Variants in DSCAM observed in about 807,000 individuals in gnomAD.
DSCAM encodes cell adhesion molecule DSCAM.
A neutral mutation model predicts 217.7 loss-of-function variants in DSCAM; 47 were observed. The observed-to-expected ratio is 0.22, with a 90% CI of 0.17 to 0.28. The LOEUF (loss-of-function observed/expected upper bound fraction) is 0.28, where lower values mean the gene tolerates loss of function less well. DSCAM is among the 10% of genes least tolerant of loss of function. The pLI, the probability that DSCAM is intolerant of heterozygous loss-of-function variation, is 1.00. For missense variants in DSCAM, 2,080 were observed against 2,618.3 expected, an observed-to-expected ratio of 0.79 and a Z score of 4.49; for synonymous variants, 1,056 against 1,015.3, an observed-to-expected ratio of 1.04 and a Z score of -0.76.
chr21:40,103,813 T>C (rs1208192955), intron 20 of DSCAM, among the ~76,000 whole-genome samples: 1 of 150,710 alleles, frequency 6.6e-6, no homozygotes, highest in African/African-American at 2.4e-5. Context: ...TATATGACTA[T>C]AGATACCATT....
chr21:40,124,566 A>T (rs992237939), intron 19 of DSCAM, among the ~76,000 whole-genome samples: 1 of 152,134 alleles, frequency 6.6e-6, no homozygotes, highest in Non-Finnish European at 1.5e-5. Context: ...TGAGTTTGTT[A>T]GGGTGGTCCC....
In DSCAM at chr21:40,167,086, G is replaced by C. The variant is rs565333724; in HGVS notation, c.3018+132C>G. ...TACAAATACTGCATTTTAAGAAAAG[G>C]GCTTTCAACTTAATTTTGAAAAAAT... On this transcript the variant is annotated intron_variant, in intron 16 of 32. Coordinates refer to ENST00000400454, the MANE Select transcript of DSCAM (RefSeq NM_001389.5). The C allele has an allele frequency of 5.6e-6, 4 of 711,808 alleles. No homozygotes were observed. In the Admixed American group the frequency reaches 1.2e-4, roughly 22 times the overall value. 44.1% of individuals were successfully genotyped at this position (711,808 alleles called of 1,614,324 possible). A position where few individuals can be genotyped will look rare whatever the true frequency, so the allele number is the denominator to read the frequency against.
chr21:40,554,719 G>A (rs1248614501), intron 3 of DSCAM, among the ~76,000 whole-genome samples: 1 of 152,106 alleles, frequency 6.6e-6, no homozygotes, highest in Admixed American at 6.5e-5. Context: ...ATTCTTAGAA[G>A]ATGACAGAAC....
At chr21:40,813,729 CCTCTGCCTCCCCAGTTCAAGCAATT>C (rs891581780) in intron 1 of DSCAM, among the ~76,000 whole-genome samples, 2 of 150,382 alleles carry the variant, frequency 1.3e-5, no homozygotes, top group African/African-American at 4.9e-5. Context: ...CTTACTGCAA[CCTCTGCCTCCCCAGTTCAAGCAATT>C]CTCTGCCTCA....
chr21:40,518,021 A>G (rs2076317178), intron 3 of DSCAM, among the ~76,000 whole-genome samples: 1 of 151,916 alleles, frequency 6.6e-6, no homozygotes, highest in Non-Finnish European at 1.5e-5. Context: ...TGGTTCACAG[A>G]GACATGGGTG....
Position 40,362,071 on chromosome 21 carries a change from T to C in DSCAM, c.655+7028A>G, listed in dbSNP as rs1302188174. On this transcript the variant is annotated intron_variant, in intron 4 of 32. Transcript: ENST00000400454. ...GTTTACTGAGAATGATGATTTCCAATTTCATCCATGTCCCTACAAAGGACA... is the reference window on the plus strand; with the variant it reads ...GTTTACTGAGAATGATGATTTCCAACTTCATCCATGTCCCTACAAAGGACA... Among the ~76,000 whole-genome samples the C allele has an allele frequency of 3.9e-5, 6 of 152,150 alleles. No homozygotes were observed. In the East Asian group the frequency reaches 7.7e-4, roughly 20 times the overall value.
At chr21:40,061,798 G>A (rs533657026) in intron 28 of DSCAM, among the ~76,000 whole-genome samples, 1 of 152,238 alleles carries the variant, frequency 6.6e-6, no homozygotes, top group Non-Finnish European at 1.5e-5. Context: ...ATAGATGGAG[G>A]AGGAAGTCAC....
intron 3 of DSCAM, among the ~76,000 whole-genome samples, chr21:40,639,289 G>A (rs914748793): frequency 6.6e-6 from 1 of 152,108 alleles, no homozygotes; most frequent in South Asian, 2.1e-4. Context: ...ATAATTTTAT[G>A]TATGTTGTCC....
At chr21:40,400,050 G>C (rs2075219325) in intron 3 of DSCAM, among the ~76,000 whole-genome samples, 1 of 152,150 alleles carries the variant, frequency 6.6e-6, no homozygotes, top group Non-Finnish European at 1.5e-5. Context: ...GTTTGAAGCA[G>C]GTGTCATGGT....
chr21:40,745,732 AAAGT>A (rs753265553), intron 1 of DSCAM, among the ~76,000 whole-genome samples: 8 of 152,172 alleles, frequency 5.3e-5, no homozygotes, highest in Non-Finnish European at 1.0e-4. Flanking sequence ...TTCACTGGTA[AAAGT>A]AAGAATACAG....
intron 10 of DSCAM, among the ~76,000 whole-genome samples, chr21:40,282,590 C>CAAAAAAAAAAAAAAA (rs528248714): frequency 3.9e-4 from 13 of 32,952 alleles, no homozygotes; most frequent in African/African-American, 7.5e-4. Context: ...GACTCTGTCT[C>CAAAAAAAAAAAAAAA]AAAAAAAAAA....
intron 3 of DSCAM, among the ~76,000 whole-genome samples, chr21:40,488,089 C>T (rs2076045134): frequency 1.3e-5 from 2 of 152,342 alleles, no homozygotes; most frequent in Non-Finnish European, 1.5e-5. Context: ...TCAGGGACCA[C>T]ATTTTGAATT....
At chr21:40,232,541 G>A (rs1446815426) in intron 11 of DSCAM, among the ~76,000 whole-genome samples, 4 of 152,064 alleles carry the variant, frequency 2.6e-5, no homozygotes, top group Non-Finnish European at 5.9e-5. Flanking sequence ...AAAGGTGCCC[G>A]GAAAGCTACT....
chr21:40,491,009 C>T (rs149995816), intron 3 of DSCAM, among the ~76,000 whole-genome samples: 1 of 152,292 alleles, frequency 6.6e-6, no homozygotes, highest in East Asian at 1.9e-4. Flanking sequence ...GGAATTCAAA[C>T]ATAAAACTTC....
intron 11 of DSCAM, among the ~76,000 whole-genome samples, chr21:40,229,036 T>A (rs2146919431): frequency 6.6e-6 from 1 of 152,354 alleles, no homozygotes; most frequent in East Asian, 1.9e-4. Context: ...CTAGCTTGTT[T>A]GTAAACTCCC....
intron 3 of DSCAM, among the ~76,000 whole-genome samples, chr21:40,622,809 G>GC (rs1228386499): frequency 6.6e-6 from 1 of 150,546 alleles, no homozygotes; most frequent in Non-Finnish European, 1.5e-5. Flanking sequence ...CTCCGAGTCT[G>GC]CCCCCAGGAA....
chr21:40,067,669 G>C (rs1014572592), intron 27 of DSCAM, among the ~76,000 whole-genome samples: 1 of 151,262 alleles, frequency 6.6e-6, no homozygotes, highest in Admixed American at 6.6e-5. Context: ...TCAGGGTGCT[G>C]ATTATTTTCA....
intron 3 of DSCAM, among the ~76,000 whole-genome samples, chr21:40,378,829 G>A (rs564501172): frequency 3.3e-5 from 5 of 151,872 alleles, no homozygotes; most frequent in South Asian, 4.2e-4. Context: ...TCCTGACCTC[G>A]TGATCCGCCC....
chr21:40,841,412 T>G (rs186875150), intron 1 of DSCAM, among the ~76,000 whole-genome samples: 47 of 152,356 alleles, frequency 3.1e-4, no homozygotes, highest in Non-Finnish European at 6.2e-4. Flanking sequence ...CTTTGAATTT[T>G]CTGGCATTTT....
Sources: allele counts gnomAD v4.1 joint callset (sites outside exome capture counted in the v4.1 genomes callset), GRCh38; gene constraint gnomAD v4.1.1; transcripts MANE v1.5; gene names NCBI Gene and HGNC (gene_info 2026-07-23, HGNC 2026-07-21).